The following COL4A5 variants were observed in gnomAD, a reference collection of about 807,000 sequenced individuals.
The protein encoded by COL4A5 is collagen type IV alpha 5 chain, also known as collagen alpha-5(IV) chain.
Under a neutral mutation model 130.2 loss-of-function variants are expected in COL4A5, and 26 were observed. The observed-to-expected ratio is 0.20, with a 90% confidence interval of 0.15 to 0.28. COL4A5 has a LOEUF of 0.28. Ranked by LOEUF, COL4A5 falls within the 10% of genes least tolerant of loss-of-function variation. The pLI is 1.00. For synonymous variants in COL4A5, 496 were observed against 439.6 expected, an observed-to-expected ratio of 1.13 and a Z score of -1.60; for missense variants, 1,131 against 1,344.3, an observed-to-expected ratio of 0.84 and a Z score of 2.48.
intron 2 of COL4A5, among the ~76,000 whole-genome samples, chrX:108,549,818 A>G (rs745312493): frequency 4.5e-5 from 5 of 111,583 alleles, no homozygotes; most frequent in Non-Finnish European, 9.4e-5. Flanking sequence ...AAAATAGAAA[A>G]CACAAATTAC....
At chrX:108,472,236 C>A (rs1209887866) in intron 1 of COL4A5, among the ~76,000 whole-genome samples, 1 of 110,925 alleles carries the variant, frequency 9.0e-6, no homozygotes, top group African/African-American at 3.3e-5. Context: ...GATATTTTTT[C>A]AGACTTATTT....
intron 1 of COL4A5, among the ~76,000 whole-genome samples, chrX:108,442,124 A>G (rs2064408033): frequency 8.9e-6 from 1 of 112,200 alleles, no homozygotes; most frequent in Admixed American, 9.5e-5. Context: ...TAATAGGCTC[A>G]AAAATATGAA....
chrX:108,477,234 C>A (rs942888693), intron 1 of COL4A5, among the ~76,000 whole-genome samples: 15 of 111,471 alleles, frequency 1.3e-4, no homozygotes, highest in African/African-American at 4.3e-4. Flanking sequence ...TTTTAACCAT[C>A]ACAAGTCCAC....
intron 39 of COL4A5, among the ~76,000 whole-genome samples, 165 bp from the exon 40 acceptor site, chrX:108,666,968 T>C (rs1171510268): frequency 8.9e-6 from 1 of 112,647 alleles, no homozygotes; most frequent in Non-Finnish European, 1.9e-5. Flanking sequence ...CATTTTCTCA[T>C]GTTAGAATTG....
intron 1 of COL4A5, among the ~76,000 whole-genome samples, chrX:108,524,602 T>C (rs1473897489): frequency 1.8e-5 from 2 of 111,456 alleles, no homozygotes; most frequent in Non-Finnish European, 3.8e-5. Context: ...GTTTATGATT[T>C]GGCATCTTTT....
At chrX:108,671,026 T>G (rs973159928) in intron 42 of COL4A5, among the ~76,000 whole-genome samples, 2 of 110,338 alleles carry the variant, frequency 1.8e-5, no homozygotes, top group African/African-American at 6.6e-5. Context: ...AGGGCGAGAC[T>G]AATAGGCACA....
intron 1 of COL4A5, among the ~76,000 whole-genome samples, chrX:108,492,785 T>G (rs1486077046): frequency 8.9e-6 from 1 of 111,837 alleles, no homozygotes; most frequent in Non-Finnish European, 1.9e-5. Flanking sequence ...TGATATATGA[T>G]ATATGGAAGC....
intron 42 of COL4A5, among the ~76,000 whole-genome samples, chrX:108,673,870 C>G (rs898427544): frequency 9.2e-6 from 1 of 108,171 alleles, no homozygotes; most frequent in Non-Finnish European, 1.9e-5. Flanking sequence ...GGTAACACCC[C>G]GTTTCTACTA....
intron 43 of COL4A5, among the ~76,000 whole-genome samples, chrX:108,675,721 A>G (rs2068290065): frequency 1.8e-5 from 2 of 111,812 alleles, no homozygotes; most frequent in South Asian, 7.4e-4. Context: ...GAAATTACAT[A>G]GAAATACCTG....
chrX:108,569,122 A>T, intron 6 of COL4A5: 2 of 204,086 alleles, frequency 9.8e-6, no homozygotes, highest in Non-Finnish European at 1.8e-5. Context: ...TTCAAATATT[A>T]TATCAATTGT....
intron 9 of COL4A5, among the ~76,000 whole-genome samples, chrX:108,574,563 C>T (rs954282874): frequency 9.0e-6 from 1 of 111,394 alleles, no homozygotes; most frequent in African/African-American, 3.3e-5. Flanking sequence ...TTAAAAATAG[C>T]TTTATTATAT....
intron 1 of COL4A5, among the ~76,000 whole-genome samples, chrX:108,528,583 C>G (rs1319229598): frequency 7.1e-5 from 8 of 111,898 alleles, no homozygotes; most frequent in South Asian, 3.7e-4. Context: ...TTTAAAGAAG[C>G]TGGGTGAGAT....
At chrX:108,487,377 C>T (rs961096350) in intron 1 of COL4A5, among the ~76,000 whole-genome samples, 4 of 94,361 alleles carry the variant, frequency 4.2e-5, no homozygotes, top group East Asian at 3.2e-4. Context: ...GCAATAAAAG[C>T]GAAACTCTGT....
chrX:108,456,093 A>G lies in COL4A5; in HGVS notation c.81+15887A>G, dbSNP rs985900094. Among the ~76,000 whole-genome samples, 11 of 111,674 alleles carry G rather than the reference A, an allele frequency of 9.9e-5. No individual in the cohort carries two copies. The Admixed American group carries it at 1.0e-3, about 11-fold the overall frequency. On this transcript the variant is annotated intron_variant, in intron 1 of 52. Coordinates refer to ENST00000328300, the MANE Select transcript of COL4A5 (RefSeq NM_033380.3). ...TTAAAATTATTATTTTTTTCAATCC[A>G]TGAACACCATATACCTCTCCATTAA... is the stretch of plus-strand genomic sequence containing the variant.
At chrX:108,489,366 T>C (rs993012144) in intron 1 of COL4A5, among the ~76,000 whole-genome samples, 1 of 111,643 alleles carries the variant, frequency 9.0e-6, no homozygotes, top group Non-Finnish European at 1.9e-5. Flanking sequence ...TATTTATTTA[T>C]GTGTCTGCTT....
At chrX:108,457,989 C>T (rs780128000) in intron 1 of COL4A5, among the ~76,000 whole-genome samples, 7 of 111,949 alleles carry the variant, frequency 6.3e-5, no homozygotes, top group African/African-American at 1.6e-4. Flanking sequence ...TCATTTCATA[C>T]ATACATGCCA....
intron 2 of COL4A5, among the ~76,000 whole-genome samples, chrX:108,545,855 T>G (rs1247171404): frequency 9.0e-6 from 1 of 111,458 alleles, no homozygotes; most frequent in South Asian, 3.8e-4. Context: ...CCCTTTACCA[T>G]TATGTAATGG....
intron 1 of COL4A5, among the ~76,000 whole-genome samples, chrX:108,510,419 T>C (rs928985121): frequency 9.0e-6 from 1 of 111,609 alleles, no homozygotes; most frequent in African/African-American, 3.3e-5. Context: ...GTGCCATATA[T>C]ATAGACTTCT....
At chrX:108,491,939 C>T (rs185830140) in intron 1 of COL4A5, among the ~76,000 whole-genome samples, 16 of 111,387 alleles carry the variant, frequency 1.4e-4, no homozygotes, top group African/African-American at 5.2e-4. Flanking sequence ...GCTGCTACTT[C>T]CTAGGGGTAG....
Sources: allele counts gnomAD v4.1 joint callset (sites outside exome capture counted in the v4.1 genomes callset), GRCh38; gene constraint gnomAD v4.1.1; transcripts MANE v1.5; gene names NCBI Gene and HGNC (gene_info 2026-07-23, HGNC 2026-07-21).